ZNF232: variants seen among roughly 807,000 people sequenced by gnomAD.
ZNF232 encodes zinc finger protein 232.
A neutral mutation model predicts 25.2 loss-of-function variants in ZNF232; 25 were observed. The ratio of observed to expected loss-of-function variants is 0.99; its 90% CI spans 0.72 to 1.39. The LOEUF (loss-of-function observed/expected upper bound fraction) is 1.39. Ranked by LOEUF, ZNF232 falls within the 40% of genes most tolerant of loss-of-function variation. The probability of loss-of-function intolerance (pLI) is 0.00; values close to 1 mark genes in which losing one functional copy is unlikely to be tolerated. For synonymous variants in ZNF232, 193 were observed against 182.9 expected (o/e 1.06, Z -0.45); for missense variants, 519 against 520.9 (o/e 1.00, Z 0.04).
chr17:5,109,030 G>A (rs2072330141), exon 3 of ZNF232: 1 of 1,613,968 alleles, frequency 6.2e-7, no homozygotes, highest in African/African-American at 1.3e-5. Context: ...TTCCTGTGCA[G>A]GTCCATGTGC....
chr17:5,112,624 T>G (rs1214268988), upstream of ZNF232, among the ~76,000 whole-genome samples: 1 of 151,406 alleles, frequency 6.6e-6, no homozygotes, highest in Non-Finnish European at 1.5e-5. Flanking sequence ...GCTAATTTTT[T>G]TTTTTTGGTA....
chr17:5,118,840 C>G (rs1052566878), intron 1 of ZNF232, among the ~76,000 whole-genome samples: 20 of 152,230 alleles, frequency 1.3e-4, no homozygotes, highest in African/African-American at 2.4e-5. Context: ...CCATCTCTCT[C>G]ATCTACTGAC....
At chr17:5,112,218 A>G (rs2072433947), upstream of ZNF232, 1 of 301,176 alleles carries the variant, frequency 3.3e-6, no homozygotes, top group Non-Finnish European at 6.2e-6. Flanking sequence ...GGCCTTGTCC[A>G]TGGCCTGTGG....
rs78576255 is a variant in ZNF232 at position 5,108,168 on chromosome 17, T to TGG, written c.625+756_625+757dup. 7.2e-5 allele frequency among the ~76,000 whole-genome samples: 11 copies of TGG among 152,124 alleles called. No individual in the cohort carries two copies. In the South Asian group the frequency reaches 1.5e-3, roughly 20 times the overall value. On this transcript the variant is annotated intron_variant, in intron 3 of 3. Coordinates refer to ENST00000575898, the Ensembl canonical transcript of ZNF232. ...AAATGCCTTGGTTTGGTGATAGTGA[T>TGG]GGGGGGGCAGTTATGGTGTAAAAGC...
intron 1 of ZNF232, among the ~76,000 whole-genome samples, 180 bp from the exon 2 acceptor site, chr17:5,110,048 T>A (rs561608068): frequency 6.6e-6 from 1 of 152,096 alleles, no homozygotes; most frequent in African/African-American, 2.4e-5. Flanking sequence ...TGCCACCACA[T>A]CCAGCTAATT....
At chr17:5,105,791 A>C (rs747616869) in exon 4 of ZNF232, 15 of 1,518,344 alleles carry the variant, frequency 9.9e-6, no homozygotes, top group Middle Eastern at 1.8e-4. Context: ...AGACCGATGT[A>C]GAATTCTGTC....
At chr17:5,106,836 G>A (rs2072271890) in intron 3 of ZNF232, among the ~76,000 whole-genome samples, 1 of 152,042 alleles carries the variant, frequency 6.6e-6, no homozygotes, top group African/African-American at 2.4e-5. Flanking sequence ...AAGGAATCAG[G>A]GAATGATGTT....
Position 5,109,778 on chromosome 17 carries a change from CAG to C in ZNF232, c.112_113del (p.Leu38GlyfsTer24). ...CTTGTCCCTGTGTACCCTGAAGGGC[CAG>C]AGTTTCAGCTGCTGTTAGTGATACA... On this transcript the variant is annotated frameshift_variant, in exon 2 of 4. Coordinates refer to ENST00000575898, the Ensembl canonical transcript of ZNF232. LOFTEE classifies it high-confidence loss of function. 1 of 1,614,194 alleles carries C rather than the reference CAG, an allele frequency of 6.2e-7. No individual in the cohort carries two copies. The highest frequency in any genetic ancestry group is 8.5e-7 in the Non-Finnish European group (1 of 1,180,038).
upstream of ZNF232, chr17:5,112,113 G>C: frequency 1.9e-6 from 1 of 515,174 alleles, no homozygotes; most frequent in Non-Finnish European, 3.4e-6. Context: ...TGGAGAGTGA[G>C]CCCTTGTAAG....
chr17:5,116,653 AG>A (rs2072546052), upstream of ZNF232: 1 of 152,252 alleles, frequency 6.6e-6, no homozygotes, highest in African/African-American at 2.4e-5. Context: ...CTGAACAGGA[AG>A]GAACTGGGAG....
chr17:5,120,169 T>G (rs758285556), intron 1 of ZNF232, among the ~76,000 whole-genome samples: 3 of 152,202 alleles, frequency 2.0e-5, no homozygotes, highest in Non-Finnish European at 2.9e-5. Context: ...AGGCTGGTTA[T>G]ACATTGCTTT....
chr17:5,107,394 GAAAAAAAA>G (rs749338515), intron 3 of ZNF232, among the ~76,000 whole-genome samples: 13 of 60,684 alleles, frequency 2.1e-4, no homozygotes, highest in African/African-American at 6.8e-4. Context: ...TCTCAAAAAG[GAAAAAAAA>G]AAAAAAAAAA....
intron 1 of ZNF232, among the ~76,000 whole-genome samples, chr17:5,117,232 A>G (rs946730316): frequency 3.9e-5 from 6 of 152,190 alleles, no homozygotes; most frequent in Non-Finnish European, 7.3e-5. Flanking sequence ...TAAAAGCTCG[A>G]TAAGCCTGGG....
chr17:5,111,974 C>CGAGAGGCT, upstream of ZNF232: 1 of 1,183,748 alleles, frequency 8.4e-7, no homozygotes, highest in Non-Finnish European at 1.2e-6. Flanking sequence ...TGGGCGCTGC[C>CGAGAGGCT]GAGAGGCTGG....
At chr17:5,110,034 C>T (rs544931407) in intron 1 of ZNF232, among the ~76,000 whole-genome samples, 166 bp from the exon 2 acceptor site, 58 of 152,166 alleles carry the variant, frequency 3.8e-4, no homozygotes, top group African/African-American at 1.3e-3. Flanking sequence ...GGATTACAGG[C>T]GCCTGCCACC....
chr17:5,109,738 T>G, exon 2 of ZNF232: 1 of 1,614,160 alleles, frequency 6.2e-7, no homozygotes, highest in Non-Finnish European at 8.5e-7. Context: ...TTTGGTCCCA[T>G]CATCATCATC....
At chr17:5,108,933 T>A in exon 3 of ZNF232, 1 of 1,614,018 alleles carries the variant, frequency 6.2e-7, no homozygotes, top group Non-Finnish European at 8.5e-7. Context: ...CACCACTCTT[T>A]GGGAAAGGCT....
exon 4 of ZNF232, chr17:5,105,834 G>A (rs1336308508): frequency 3.2e-6 from 5 of 1,583,026 alleles, no homozygotes; most frequent in Non-Finnish European, 4.3e-6. Context: ...TCAATGGGAA[G>A]GCTCTTTTCT....
At chr17:5,119,733 T>G (rs2072609331) in intron 1 of ZNF232, among the ~76,000 whole-genome samples, 1 of 152,178 alleles carries the variant, frequency 6.6e-6, no homozygotes, top group African/African-American at 2.4e-5. Flanking sequence ...ATTATAATAG[T>G]GATAGTCATT....
Sources: allele counts gnomAD v4.1 joint callset (sites outside exome capture counted in the v4.1 genomes callset), GRCh38; gene constraint gnomAD v4.1.1; transcripts MANE v1.5; gene names NCBI Gene and HGNC (gene_info 2026-07-23, HGNC 2026-07-21).